MAP4: variants seen among roughly 807,000 people sequenced by gnomAD.
MAP4 encodes the protein microtubule associated protein 4, also known as microtubule-associated protein 4.
In MAP4, 76 loss-of-function variants were observed where a neutral mutation model predicts 170.2. That is an observed-to-expected ratio of 0.45 (90% CI 0.37 to 0.54). The LOEUF (loss-of-function observed/expected upper bound fraction) is 0.54, where lower values mean the gene tolerates loss of function less well. Ranked by LOEUF, MAP4 falls within the 20% of genes least tolerant of loss-of-function variation. The pLI is 0.00. For missense variants in MAP4, 2,506 were observed against 2,748.0 expected, an observed-to-expected ratio of 0.91 and a Z score of 1.97; for synonymous variants, 909 against 994.5, an observed-to-expected ratio of 0.91 and a Z score of 1.62.
At chr3:48,058,320 G>A (rs1236306196) in intron 1 of MAP4, among the ~76,000 whole-genome samples, 1 of 152,178 alleles carries the variant, frequency 6.6e-6, no homozygotes, top group Non-Finnish European at 1.5e-5. Context: ...CAGCCTGCGA[G>A]GCTTAAAAAG....
chr3:48,042,507 A>T (rs1228411086), intron 1 of MAP4, among the ~76,000 whole-genome samples: 1 of 152,206 alleles, frequency 6.6e-6, no homozygotes. Flanking sequence ...TAATATACAA[A>T]TGGCCAATAA....
At chr3:47,871,198 G>C in intron 14 of MAP4, 29 bp downstream of exon 14, 1 of 1,613,652 alleles carries the variant, frequency 6.2e-7, no homozygotes, top group Non-Finnish European at 8.5e-7. Context: ...TCAAGTTAGG[G>C]CTCTACAAAA....
At chr3:48,060,358 T>C (rs1579682003) in intron 1 of MAP4, among the ~76,000 whole-genome samples, 2 of 150,422 alleles carry the variant, frequency 1.3e-5, no homozygotes, top group South Asian at 4.2e-4. Flanking sequence ...TAAAAAAAAA[T>C]GGATTATAGA....
At chr3:48,017,098 G>A (rs1201375000), upstream of MAP4, among the ~76,000 whole-genome samples, 2 of 151,750 alleles carry the variant, frequency 1.3e-5, no homozygotes, top group African/African-American at 4.8e-5. Flanking sequence ...TACACCAGTT[G>A]AACTGATCTA....
At chr3:48,018,431 CA>C (rs1459525161), upstream of MAP4, among the ~76,000 whole-genome samples, 1 of 152,054 alleles carries the variant, frequency 6.6e-6, no homozygotes, top group Admixed American at 6.6e-5. Context: ...TCAGAAGTTC[CA>C]AAATTACAAA....
chr3:47,952,315 C>T (rs536584854), intron 3 of MAP4, among the ~76,000 whole-genome samples: 95 of 151,790 alleles, frequency 6.3e-4, no homozygotes, highest in African/African-American at 2.2e-3. Context: ...AGGTGAGGGG[C>T]GCCTCTGCCC....
chr3:48,030,606 C>T (rs927460839), intron 1 of MAP4, among the ~76,000 whole-genome samples: 3 of 151,494 alleles, frequency 2.0e-5, no homozygotes, highest in African/African-American at 7.3e-5. Context: ...CAAGACCAGC[C>T]TGACCAACAT....
chr3:47,852,646 T>G lies in MAP4; in HGVS notation c.*288A>C. 8.6e-7 allele frequency: 1 copy of G among 1,162,182 alleles called. No individual in the cohort carries two copies. The allele number at this position is 1,162,182 out of a possible 1,614,324, so 72.0% of individuals were successfully genotyped here. A position where few individuals can be genotyped will look rare whatever the true frequency, so the allele number is the denominator to read the frequency against. On this transcript the variant is annotated 3_prime_UTR_variant, in exon 21 of 21. Transcript: ENST00000683076. ...CCTCCACGGAGCAGTGGCGCAGTGATGGGGCAAGACCAAAGCAGGGAGATG... is the reference window on the plus strand; with the variant it reads ...CCTCCACGGAGCAGTGGCGCAGTGAGGGGGCAAGACCAAAGCAGGGAGATG...
At chr3:47,901,074 A>G (rs1471550306) in intron 10 of MAP4, among the ~76,000 whole-genome samples, 6 of 152,176 alleles carry the variant, frequency 3.9e-5, no homozygotes, top group Non-Finnish European at 5.9e-5. Flanking sequence ...GCTGTCCCCT[A>G]GAATTCTTTA....
chr3:47,953,974 A>C lies in MAP4; in HGVS notation c.292+23891T>G, dbSNP rs552897335. On this transcript the variant is annotated intron_variant, in intron 3 of 20. Transcript: ENST00000683076. ...GGTTGCAGTTAGCCAAGATCGTGCCACTGTACTCCAGCCTGGGTGACAGAG... is the reference window on the plus strand; with the variant it reads ...GGTTGCAGTTAGCCAAGATCGTGCCCCTGTACTCCAGCCTGGGTGACAGAG... Among the ~76,000 whole-genome samples, 27 of 152,086 alleles carry C rather than the reference A, an allele frequency of 1.8e-4. 1 individual carries two copies. Among genetic ancestry groups the C allele is most frequent in the African/African-American group, 5.8e-4 (24 of 41,464 alleles).
At chr3:47,952,910 C>A (rs2100065416) in intron 3 of MAP4, among the ~76,000 whole-genome samples, 1 of 151,398 alleles carries the variant, frequency 6.6e-6, no homozygotes, top group Non-Finnish European at 1.5e-5. Flanking sequence ...AGTGACAGAG[C>A]AAGACTCCAT....
chr3:47,899,308 T>C (rs549343779), intron 10 of MAP4, among the ~76,000 whole-genome samples: 1 of 152,218 alleles, frequency 6.6e-6, no homozygotes, highest in African/African-American at 2.4e-5. Context: ...CCCAGCTAAT[T>C]TTTGTATTTT....
At chr3:47,865,250 A>G (rs146105147) in intron 17 of MAP4, among the ~76,000 whole-genome samples, 235 of 152,232 alleles carry the variant, frequency 1.5e-3, no homozygotes, top group Middle Eastern at 3.4e-3. Flanking sequence ...ACACACACAA[A>G]TATATCTCTA....
chr3:47,952,144 C>T (rs908101269), intron 3 of MAP4, among the ~76,000 whole-genome samples: 6 of 151,142 alleles, frequency 4.0e-5, no homozygotes, highest in Non-Finnish European at 7.4e-5. Context: ...TGAGGAGCCC[C>T]TCCGCCCGGC....
At chr3:47,867,416 C>G in intron 16 of MAP4, 78 bp from the exon 17 acceptor site, 1 of 862,938 alleles carries the variant, frequency 1.2e-6, no homozygotes, top group Non-Finnish European at 2.0e-6. Flanking sequence ...GCAGTGAGTC[C>G]ACACGTGATC....
In MAP4 at chr3:48,021,642, G is replaced by A. The variant is rs9829988; in HGVS notation, c.-19-22763C>T. Among the ~76,000 whole-genome samples, 344 of 152,186 alleles carry A rather than the reference G, an allele frequency of 2.3e-3. 1 individual carries two copies. Among genetic ancestry groups the A allele is most frequent in the African/African-American group, 7.8e-3 (322 of 41,534 alleles). ...ATTACAGGCGTGAGACACCACGCCC[G>A]GCCTAATCTATAGATTTAACATAAC... On this transcript the variant is annotated intron_variant, in intron 1 of 18. Coordinates refer to the MAP4 transcript ENST00000360240.
chr3:47,863,526 G>GT (rs2072378905), intron 17 of MAP4, among the ~76,000 whole-genome samples: 2 of 152,066 alleles, frequency 1.3e-5, no homozygotes, highest in South Asian at 4.2e-4. Context: ...GCTCTCTGTG[G>GT]TCCTAGGAGC....
At chr3:48,022,306 A>G (rs1014031608) in intron 1 of MAP4, among the ~76,000 whole-genome samples, 1 of 152,162 alleles carries the variant, frequency 6.6e-6, no homozygotes, top group Non-Finnish European at 1.5e-5. Context: ...CAAAAGAAGG[A>G]AAAAAGAAAA....
upstream of MAP4, among the ~76,000 whole-genome samples, chr3:48,019,693 TG>T (rs2100109615): frequency 6.6e-6 from 1 of 152,154 alleles, no homozygotes; most frequent in Non-Finnish European, 1.5e-5. Flanking sequence ...AAGACCAGCC[TG>T]GGCAACACAG....
Sources: allele counts gnomAD v4.1 joint callset (sites outside exome capture counted in the v4.1 genomes callset), GRCh38; gene constraint gnomAD v4.1.1; transcripts MANE v1.5; gene names NCBI Gene and HGNC (gene_info 2026-07-23, HGNC 2026-07-21).